The following CNBD1 variants were observed in gnomAD, a reference collection of about 807,000 sequenced individuals.
CNBD1 encodes cyclic nucleotide-binding domain-containing protein 1.
In CNBD1, 71 loss-of-function variants were observed where a neutral mutation model predicts 54.4. The observed-to-expected ratio is 1.30, with a 90% CI of 1.08 to 1.59. The LOEUF is 1.59. Ranked by LOEUF, CNBD1 falls within the 40% of genes most tolerant of loss-of-function variation. CNBD1 has a pLI of 0.00. For missense variants in CNBD1, 659 were observed against 518.0 expected (o/e 1.27, Z -2.64); for synonymous variants, 182 against 170.7 (o/e 1.07, Z -0.51).
intron 5 of CNBD1, among the ~76,000 whole-genome samples, chr8:87,209,442 T>G (rs539923728): frequency 6.6e-6 from 1 of 152,220 alleles, no homozygotes; most frequent in Non-Finnish European, 1.5e-5. Flanking sequence ...AATAAAAAAT[T>G]ACTTAGGTGT....
intron 8 of CNBD1, among the ~76,000 whole-genome samples, chr8:87,297,863 T>C (rs919638274): frequency 2.6e-5 from 4 of 152,154 alleles, no homozygotes; most frequent in Non-Finnish European, 5.9e-5. Flanking sequence ...TGGATGCTAA[T>C]GGGCCTCATG....
At chr8:86,977,233 T>C (rs1395778424) in intron 4 of CNBD1, among the ~76,000 whole-genome samples, 1 of 151,908 alleles carries the variant, frequency 6.6e-6, no homozygotes, top group Non-Finnish European at 1.5e-5. Context: ...GTTTCCTGGA[T>C]CTGGATTTCT....
chr8:87,407,255 GA>G (rs1807667156), intron 2 of CNBD1, among the ~76,000 whole-genome samples: 1 of 151,952 alleles, frequency 6.6e-6, no homozygotes, highest in African/African-American at 2.4e-5. Flanking sequence ...ATTAATATAA[GA>G]AACACAGTAT....
chr8:87,374,376 CAG>C (rs1383653105), intron 10 of CNBD1, among the ~76,000 whole-genome samples: 15 of 151,742 alleles, frequency 9.9e-5, no homozygotes, highest in Non-Finnish European at 2.1e-4. Flanking sequence ...ATAAAATTTA[CAG>C]AGTTATGCAC....
intron 5 of CNBD1, among the ~76,000 whole-genome samples, chr8:87,233,700 G>A (rs1251961786): frequency 6.6e-6 from 1 of 151,954 alleles, no homozygotes; most frequent in Non-Finnish European, 1.5e-5. Flanking sequence ...GAACTCCGGG[G>A]CTCAAGTGAT....
chr8:87,295,219 C>A (rs543025923), intron 8 of CNBD1, among the ~76,000 whole-genome samples: 1 of 151,770 alleles, frequency 6.6e-6, no homozygotes, highest in African/African-American at 2.4e-5. Flanking sequence ...TATAGTATAA[C>A]AATGCACTAC....
At chr8:87,337,810 A>G (rs1809979059) in intron 8 of CNBD1, among the ~76,000 whole-genome samples, 1 of 152,118 alleles carries the variant, frequency 6.6e-6, no homozygotes, top group African/African-American at 2.4e-5. Context: ...AGTCAGTTCT[A>G]ATGACAGAAC....
At chr8:87,358,417 A>G (rs955427756) in intron 10 of CNBD1, among the ~76,000 whole-genome samples, 5 of 152,240 alleles carry the variant, frequency 3.3e-5, no homozygotes, top group South Asian at 2.1e-4. Flanking sequence ...TAAAATGACA[A>G]TATTCTCACT....
At chr8:87,398,438 T>C (rs1251949401) in intron 2 of CNBD1, among the ~76,000 whole-genome samples, 1 of 151,914 alleles carries the variant, frequency 6.6e-6, no homozygotes, top group African/African-American at 2.4e-5. Flanking sequence ...TACCAAAAAA[T>C]GTAATAAACA....
intron 8 of CNBD1, among the ~76,000 whole-genome samples, chr8:87,350,068 T>G (rs1024402396): frequency 6.6e-6 from 1 of 152,220 alleles, no homozygotes; most frequent in Non-Finnish European, 1.5e-5. Flanking sequence ...TGCTAGGAGC[T>G]TCTATGCCTT....
chr8:87,402,000 A>G (rs1807574714), intron 2 of CNBD1, among the ~76,000 whole-genome samples: 1 of 152,018 alleles, frequency 6.6e-6, no homozygotes. Flanking sequence ...AGAAATATCC[A>G]AGACCTGGTA....
chr8:86,933,041 A>G (rs1809482892), intron 3 of CNBD1, among the ~76,000 whole-genome samples: 1 of 152,114 alleles, frequency 6.6e-6, no homozygotes, highest in African/African-American at 2.4e-5. Context: ...AAGAGGACGG[A>G]GAAAGGTCGG....
intron 4 of CNBD1, among the ~76,000 whole-genome samples, chr8:87,013,468 G>A (rs1253629458): frequency 6.6e-6 from 1 of 151,832 alleles, no homozygotes; most frequent in Non-Finnish European, 1.5e-5. Flanking sequence ...AAAGTCCTAG[G>A]GTTGACCTGC....
chr8:87,324,647 A>T (rs376785704), intron 8 of CNBD1, among the ~76,000 whole-genome samples: 29 of 151,544 alleles, frequency 1.9e-4, no homozygotes, highest in African/African-American at 6.1e-4. Flanking sequence ...ATCAGTGGTG[A>T]TATCCACTTT....
At chr8:87,058,707 C>A (rs897486560) in intron 4 of CNBD1, among the ~76,000 whole-genome samples, 11 of 152,182 alleles carry the variant, frequency 7.2e-5, no homozygotes, top group African/African-American at 2.4e-4. Flanking sequence ...AGTCCCAAGG[C>A]TGCACGCAGT....
chr8:87,271,792 G>A lies in CNBD1; in HGVS notation c.772-12886G>A, dbSNP rs577193247. Among the ~76,000 whole-genome samples the A allele has an allele frequency of 3.5e-4, 53 of 149,464 alleles. 3 individuals carry two copies. The South Asian group carries it at 0.011, about 31-fold the overall frequency. On this transcript the variant is annotated intron_variant, in intron 6 of 10. Transcript: ENST00000518476. ...AAGAAAATAAATTAGTATATCAAAG[G>A]GATATCCACACTCCTATGCTTATTG...
intron 2 of CNBD1, among the ~76,000 whole-genome samples, chr8:87,422,450 A>G (rs1185926678): frequency 6.6e-6 from 1 of 150,766 alleles, no homozygotes; most frequent in Non-Finnish European, 1.5e-5. Flanking sequence ...TGATTTTTGT[A>G]TAAGGTGTAA....
chr8:87,266,979 A>G (rs1317135958), intron 6 of CNBD1, among the ~76,000 whole-genome samples: 1 of 152,174 alleles, frequency 6.6e-6, no homozygotes, highest in Admixed American at 6.6e-5. Context: ...AAACACCTTA[A>G]GTAACAGACT....
chr8:87,410,314 A>G (rs1807720090), intron 2 of CNBD1, among the ~76,000 whole-genome samples: 2 of 152,184 alleles, frequency 1.3e-5, no homozygotes, highest in African/African-American at 4.8e-5. Flanking sequence ...ATTAGGATAT[A>G]GCTCCCATAG....
Sources: allele counts gnomAD v4.1 joint callset (sites outside exome capture counted in the v4.1 genomes callset), GRCh38; gene constraint gnomAD v4.1.1; transcripts MANE v1.5; gene names NCBI Gene and HGNC (gene_info 2026-07-23, HGNC 2026-07-21).